Variants in ZHX3 observed in about 807,000 individuals in gnomAD.
ZHX3 encodes zinc fingers and homeoboxes protein 3.
Under a neutral mutation model 64.5 loss-of-function variants are expected in ZHX3, and 20 were observed. The ratio of observed to expected loss-of-function variants is 0.31; its 90% CI spans 0.22 to 0.45. ZHX3 has a LOEUF of 0.45. Among genes scored for constraint, ZHX3 ranks in the 20% least tolerant of loss-of-function variants. The pLI is 1.00. For synonymous variants in ZHX3, 423 were observed against 461.6 expected, an observed-to-expected ratio of 0.92 and a Z score of 1.07; for missense variants, 1,041 against 1,195.8, an observed-to-expected ratio of 0.87 and a Z score of 1.91.
chr20:41,254,584 T>C (rs1239176688), intron 2 of ZHX3: 1 of 152,268 alleles, frequency 6.6e-6, no homozygotes, highest in Non-Finnish European at 1.5e-5. Flanking sequence ...CTACCACTTA[T>C]TACCTTTGTA....
At chr20:41,254,903 T>A (rs1466213772) in intron 2 of ZHX3, among the ~76,000 whole-genome samples, 1 of 152,016 alleles carries the variant, frequency 6.6e-6, no homozygotes, top group Admixed American at 6.6e-5. Context: ...CTATAATGAA[T>A]GTGTGCTACA....
In ZHX3 at chr20:41,202,386, GGGGCAATGACCA is replaced by G. The variant is rs1251410517; in HGVS notation, c.2519_2530del (p.Leu840_Ala843del). ...GTCCTGCAGGAGCTCCCGGTTGCCA[GGGGCAATGACCA>G]GTAGCCCTGGTGGGAAGTTGCCTCG... On this transcript the variant is annotated inframe_deletion, in exon 3 of 4. Coordinates refer to ENST00000683867, the MANE Select transcript of ZHX3 (RefSeq NM_001384317.1). This position sits in a 1 kb window ranked among gnomAD's most constrained non-coding sequence, Gnocchi z 7.0. 1.9e-6 allele frequency: 3 copies of G among 1,614,196 alleles called. No homozygotes were observed. Among genetic ancestry groups the G allele is most frequent in the Non-Finnish European group, 2.5e-6 (3 of 1,180,030 alleles).
intron 1 of ZHX3, among the ~76,000 whole-genome samples, chr20:41,299,777 G>A (rs1039045424): frequency 1.3e-5 from 2 of 149,462 alleles, no homozygotes; most frequent in Non-Finnish European, 1.5e-5. Context: ...CAGGAGAATC[G>A]CTTGAACCTG....
intron 1 of ZHX3, among the ~76,000 whole-genome samples, chr20:41,284,111 A>G (rs796405434): frequency 2.6e-5 from 4 of 152,306 alleles, no homozygotes; most frequent in African/African-American, 9.6e-5. Context: ...AGAAAATTGC[A>G]CTTGCTTCAT....
intron 1 of ZHX3, among the ~76,000 whole-genome samples, chr20:41,287,784 T>C (rs969065765): frequency 2.6e-5 from 4 of 152,208 alleles, no homozygotes; most frequent in African/African-American, 9.6e-5. Flanking sequence ...CATGAGAGAC[T>C]GTGAGCCAGA....
chr20:41,254,732 G>A (rs1167221173), intron 2 of ZHX3: 2 of 152,154 alleles, frequency 1.3e-5, no homozygotes, highest in African/African-American at 4.8e-5. Flanking sequence ...ATATGGCTTA[G>A]CCAGTAGCTG....
intron 2 of ZHX3, among the ~76,000 whole-genome samples, chr20:41,267,976 T>A (rs902055214): frequency 2.0e-5 from 3 of 152,210 alleles, no homozygotes; most frequent in Admixed American, 1.3e-4. Context: ...ATTTTAAGAC[T>A]CAAAGTTAAA....
chr20:41,203,209 A>G lies in ZHX3; in HGVS notation c.1708T>C (p.Ser570Pro), dbSNP rs1360374978. The change falls in exon 3 of 4, where the codon TCT (serine) becomes CCT (proline). Residue 570 changes from serine (S) to proline (P), a missense_variant. Ser to Pro is a moderately conservative substitution (Grantham distance 74). Around this residue, in one of 4 missense-constraint regions of ZHX3, gnomAD observed 649 missense variants for 739.8 expected, o/e 0.88. Transcript: ENST00000683867. This position sits in a 1 kb window ranked among gnomAD's most constrained non-coding sequence, Gnocchi z 7.1. Reference protein sequence around the residue: ...PGDHSSIIIDSVPEVSFSPSS... With the variant: ...PGDHSSIIIDPVPEVSFSPSS... ...GGGGAGAAGGACACCTCTGGCACAG[A>G]GTCAATGATGATGGAACTGTGATCT... 1 of 1,614,064 alleles carries G rather than the reference A, an allele frequency of 6.2e-7. No individual in the cohort carries two copies. The highest frequency in any genetic ancestry group is 8.5e-7 in the Non-Finnish European group (1 of 1,180,044).
chr20:41,219,488 G>A lies in ZHX3; in HGVS notation c.-150-14422C>T, dbSNP rs1263155437. ...ACCTGAAGATCTCCAAAGATAGGGA[G>A]CTTGGCACTTATTGACACTAGAAAG... On this transcript the variant is annotated intron_variant, in intron 2 of 3. Coordinates refer to ENST00000683867, the MANE Select transcript of ZHX3 (RefSeq NM_001384317.1). This position sits in a 1 kb window ranked among gnomAD's most constrained non-coding sequence, Gnocchi z 5.0. Among the ~76,000 whole-genome samples, 2 of 152,222 alleles carry A rather than the reference G, an allele frequency of 1.3e-5. No individual in the cohort carries two copies. Among genetic ancestry groups the A allele is most frequent in the Non-Finnish European group, 2.9e-5 (2 of 68,046 alleles).
chr20:41,305,368 C>T (rs2146822480), intron 1 of ZHX3, among the ~76,000 whole-genome samples: 1 of 152,246 alleles, frequency 6.6e-6, no homozygotes, highest in East Asian at 1.9e-4. Flanking sequence ...TGGTGCACAC[C>T]TGTGGTCCCA....
chr20:41,279,681 CAGGA>C, intron 1 of ZHX3, among the ~76,000 whole-genome samples: 1 of 152,028 alleles, frequency 6.6e-6, no homozygotes, highest in East Asian at 1.9e-4. Flanking sequence ...CACAGCAGCA[CAGGA>C]TAAACAGGAA....
intron 1 of ZHX3, chr20:41,272,221 T>C (rs1231326640): frequency 6.6e-6 from 1 of 152,162 alleles, no homozygotes; most frequent in East Asian, 1.9e-4. Context: ...GGATCATCTG[T>C]TTTCATGTTT....
chr20:41,200,686 C>T lies in ZHX3; in HGVS notation c.2860+1371G>A, dbSNP rs2038146464. 6.6e-6 allele frequency among the ~76,000 whole-genome samples: 1 copy of T among 152,156 alleles called. No individual in the cohort carries two copies. The highest frequency in any genetic ancestry group is 1.5e-5 in the Non-Finnish European group (1 of 68,024). On this transcript the variant is annotated intron_variant, in intron 3 of 3. Transcript: ENST00000683867. This position sits in a 1 kb window ranked among gnomAD's most constrained non-coding sequence, Gnocchi z 4.2. ...TTGGGCTCCACCAGGTGTTTGCTCT[C>T]ACTGTGGGCTTTGTGGAACTGGATT...
At chr20:41,314,700 A>G (rs1411158806) in intron 1 of ZHX3, among the ~76,000 whole-genome samples, 1 of 152,234 alleles carries the variant, frequency 6.6e-6, no homozygotes, top group African/African-American at 2.4e-5. Flanking sequence ...CCACAGCCTC[A>G]CTTTGTAAAA....
At chr20:41,234,389 TC>T (rs2040825496) in intron 2 of ZHX3, among the ~76,000 whole-genome samples, 1 of 152,216 alleles carries the variant, frequency 6.6e-6, no homozygotes, top group Non-Finnish European at 1.5e-5. Context: ...CCTTTGTCTA[TC>T]TAGTTCACCT....
intron 1 of ZHX3, among the ~76,000 whole-genome samples, chr20:41,286,037 A>T (rs1226315645): frequency 6.6e-6 from 1 of 152,244 alleles, no homozygotes; most frequent in Non-Finnish European, 1.5e-5. Context: ...TTGAGAATGC[A>T]CTTTCTTGAA....
intron 3 of ZHX3, among the ~76,000 whole-genome samples, chr20:41,194,790 G>C (rs1388691932): frequency 6.6e-6 from 1 of 152,068 alleles, no homozygotes; most frequent in East Asian, 1.9e-4. Flanking sequence ...GAGAGTGCGG[G>C]TTTCTAGGAA....
chr20:41,257,470 T>C (rs769793952), intron 2 of ZHX3, among the ~76,000 whole-genome samples: 1 of 152,166 alleles, frequency 6.6e-6, no homozygotes, highest in Non-Finnish European at 1.5e-5. Flanking sequence ...TACCCACTTA[T>C]AGAAGGGGAT....
chr20:41,255,182 C>T lies in ZHX3; in HGVS notation c.-151+13808G>A, dbSNP rs991357080. On this transcript the variant is annotated intron_variant, in intron 2 of 3. Transcript: ENST00000683867. ...ATATATTTTTTTTGACATGGAGTCT[C>T]GCACTGTCGCCCAGGCTGGAGTGCA... Among the ~76,000 whole-genome samples, 7 of 152,178 alleles carry T rather than the reference C, an allele frequency of 4.6e-5. No individual in the cohort carries two copies. The South Asian group carries it at 1.2e-3, about 27-fold the overall frequency.
Sources: allele counts gnomAD v4.1 joint callset (sites outside exome capture counted in the v4.1 genomes callset), GRCh38; gene constraint gnomAD v4.1.1; regional missense constraint gnomAD v4.1.1; non-coding constraint Gnocchi (gnomAD v3.1); transcripts MANE v1.5; gene names NCBI Gene and HGNC (gene_info 2026-07-23, HGNC 2026-07-21).